XRN1: variants seen among roughly 807,000 people sequenced by gnomAD.
XRN1 encodes the protein strand-exchange protein 1 homolog.
Under a neutral mutation model 222.3 loss-of-function variants are expected in XRN1, and 67 were observed. The ratio of observed to expected loss-of-function variants is 0.30; its 90% confidence interval spans 0.25 to 0.37. The LOEUF (loss-of-function observed/expected upper bound fraction) is 0.37. Ranked by LOEUF, XRN1 falls within the 10% of genes least tolerant of loss-of-function variation. The pLI is 1.00. For missense variants in XRN1, 1,707 were observed against 2,000.2 expected (o/e 0.85, Z 2.80); for synonymous variants, 643 against 652.4 (o/e 0.99, Z 0.22).
rs1465503993 is a variant in XRN1 at position 142,367,139 on chromosome 3, T to C, written c.3205-1773A>G. ...CCTGTCTCTACTAAAAATACAAAAT[T>C]AGCCGAGCATGGTGGTGCCTGCATG... On this transcript the variant is annotated intron_variant, in intron 27 of 40. Coordinates refer to ENST00000392981, the MANE Select transcript of XRN1 (RefSeq NM_001282857.2). Among the ~76,000 whole-genome samples the C allele has an allele frequency of 6.6e-5, 10 of 151,998 alleles. No homozygotes were observed. In the East Asian group the frequency reaches 1.9e-3, roughly 29 times the overall value.
chr3:142,356,439 C>T (rs560056232), intron 31 of XRN1, among the ~76,000 whole-genome samples: 3 of 152,250 alleles, frequency 2.0e-5, no homozygotes, highest in African/African-American at 7.2e-5. Context: ...TAAAGTGTCT[C>T]ACACAAGACA....
chr3:142,390,820 T>A (rs986200085), intron 20 of XRN1, among the ~76,000 whole-genome samples: 1 of 152,202 alleles, frequency 6.6e-6, no homozygotes, highest in African/African-American at 2.4e-5. Context: ...AGCTTTTGAT[T>A]TAAACCTAGA....
rs755519017 is a variant in XRN1 at position 142,380,167 on chromosome 3, C to A, written c.2630G>T (p.Gly877Val). The A allele has an allele frequency of 3.1e-6, 5 of 1,613,566 alleles. No individual in the cohort carries two copies. In the African/African-American group the frequency reaches 5.3e-5, roughly 17 times the overall value. ...AATCCTACCTTCTGTAATCACATCA[C>A]CTGAATCCTGAACCTTAGAAGAAAA... ...YGCTGEVQDS[G>V]DVITEGRIRV... The change falls in exon 23 of 41, where the codon GGT becomes GTT. Residue 877 changes from glycine to valine, a missense_variant. Physicochemically the swap from Gly to Val is moderately radical, Grantham distance 109. This residue lies in a region of XRN1 where 1,234 missense variants were observed against 1,518.2 expected (regional missense o/e 0.81). Coordinates refer to ENST00000392981, the MANE Select transcript of XRN1 (RefSeq NM_001282857.2).
chr3:142,314,504 G>A (rs546882951), intron 39 of XRN1, among the ~76,000 whole-genome samples: 1 of 151,838 alleles, frequency 6.6e-6, no homozygotes, highest in Non-Finnish European at 1.5e-5. Context: ...ATTCATTTTT[G>A]AATGTGAAGC....
intron 29 of XRN1, among the ~76,000 whole-genome samples, chr3:142,360,214 A>G (rs1400203313): frequency 6.6e-6 from 1 of 152,170 alleles, no homozygotes. Context: ...TACTTCTACT[A>G]CATACATATG....
chr3:142,422,339 T>C (rs1451686215), intron 8 of XRN1, among the ~76,000 whole-genome samples: 1 of 151,768 alleles, frequency 6.6e-6, no homozygotes, highest in Non-Finnish European at 1.5e-5. Context: ...AATAAATAAA[T>C]AATAAAAAAA....
At chr3:142,424,220 G>T (rs752544947) in intron 5 of XRN1, among the ~76,000 whole-genome samples, 3 of 152,068 alleles carry the variant, frequency 2.0e-5, no homozygotes, top group Non-Finnish European at 2.9e-5. Flanking sequence ...TCAGCCTCCA[G>T]AGTAGCTGGG....
In XRN1 at chr3:142,364,752, A is replaced by C. The variant is rs1454025541; in HGVS notation, c.3394+295T>G. On this transcript the variant is annotated intron_variant, in intron 29 of 40. Transcript: ENST00000392981. The stretch of plus-strand genomic sequence containing the variant: ...TGAAAATTATCAGTTTCATGAAAAC[A>C]TATGTATGCTCACCAAGATCTTGCA... 2.0e-5 allele frequency among the ~76,000 whole-genome samples: 3 copies of C among 152,202 alleles called. No individual in the cohort carries two copies. The East Asian group carries it at 5.8e-4, about 29-fold the overall frequency.
chr3:142,427,362 G>A (rs1050208722), intron 2 of XRN1, among the ~76,000 whole-genome samples: 69 of 151,662 alleles, frequency 4.5e-4, no homozygotes, highest in Admixed American at 4.2e-3. Context: ...TGAATTTTTC[G>A]GATTAGGAAT....
intron 25 of XRN1, among the ~76,000 whole-genome samples, chr3:142,373,261 A>C (rs1045864398): frequency 3.3e-5 from 5 of 152,082 alleles, no homozygotes; most frequent in African/African-American, 1.2e-4. Flanking sequence ...AGAAATTTTA[A>C]ATGATAAACA....
chr3:142,372,326 T>C (rs1025324353), intron 25 of XRN1, among the ~76,000 whole-genome samples: 6 of 152,070 alleles, frequency 3.9e-5, no homozygotes, highest in Non-Finnish European at 5.9e-5. Context: ...AAGCATAAGG[T>C]CTCTAGAAAT....
rs748866875 is a variant in XRN1 at position 142,412,640 on chromosome 3, T to C, written c.1617A>G (p.Ser539=). 6.2e-7 allele frequency: 1 copy of C among 1,601,084 alleles called. No individual in the cohort carries two copies. Among genetic ancestry groups the C allele is most frequent in the East Asian group, 2.2e-5 (1 of 44,668 alleles). Residue 539 remains serine (S), a synonymous_variant, in exon 15 of 41, where the codon TCA becomes TCG. Coordinates refer to ENST00000392981, the MANE Select transcript of XRN1 (RefSeq NM_001282857.2). ...CYQHLMTNED[S]PIIEYYPPDF... ...CAGGTGGGTAATATTCTATAATTGGTGAGTCTTCATTGGTCATCAAATGCT... is the reference window on the plus strand; with the variant it reads ...CAGGTGGGTAATATTCTATAATTGGCGAGTCTTCATTGGTCATCAAATGCT...
At chr3:142,444,502 G>C (rs960163755) in intron 1 of XRN1, among the ~76,000 whole-genome samples, 1 of 152,106 alleles carries the variant, frequency 6.6e-6, no homozygotes, top group Non-Finnish European at 1.5e-5. Flanking sequence ...CCAGCTACTT[G>C]GGTGGCTAAG....
chr3:142,347,511 C>T (rs1434358013), intron 32 of XRN1, among the ~76,000 whole-genome samples, 169 bp from the exon 33 acceptor site: 1 of 151,988 alleles, frequency 6.6e-6, no homozygotes. Context: ...TATCACCAGA[C>T]TCATTAACAT....
intron 23 of XRN1, among the ~76,000 whole-genome samples, chr3:142,377,580 T>C (rs2067182212): frequency 6.6e-6 from 1 of 152,182 alleles, no homozygotes; most frequent in Non-Finnish European, 1.5e-5. Flanking sequence ...CAGTTTTATT[T>C]AATACATAAC....
intron 37 of XRN1, among the ~76,000 whole-genome samples, chr3:142,325,540 T>C (rs1191788847): frequency 6.6e-6 from 1 of 152,204 alleles, no homozygotes; most frequent in Non-Finnish European, 1.5e-5. Flanking sequence ...TCTCTTATTG[T>C]TTGAGCTCCT....
chr3:142,402,972 C>T (rs143252663), intron 18 of XRN1, among the ~76,000 whole-genome samples: 28 of 152,270 alleles, frequency 1.8e-4, no homozygotes, highest in African/African-American at 5.5e-4. Flanking sequence ...ATGCTACACT[C>T]GCAAGCTTTC....
rs1264370902 is a variant in XRN1 at position 142,384,705 on chromosome 3, T to A, written c.2340-20A>T. 4.5e-6 allele frequency: 7 copies of A among 1,546,890 alleles called. No homozygotes were observed. The Admixed American group carries it at 9.5e-5, about 21-fold the overall frequency. On this transcript the variant is annotated intron_variant, in intron 20 of 40. Transcript: ENST00000392981. The stretch of plus-strand genomic sequence containing the variant: ...AGGTAGCTAAAATAAAGAATAAACA[T>A]GAAATATACATATGAATGAGTATGC...
intron 2 of XRN1, among the ~76,000 whole-genome samples, chr3:142,429,478 T>C (rs1448298230): frequency 6.6e-6 from 1 of 152,008 alleles, no homozygotes; most frequent in Non-Finnish European, 1.5e-5. Context: ...TCAGGAAATT[T>C]TAGTGGCATG....
Sources: gnomAD v4.1 joint callset for allele counts (sites outside exome capture counted in the v4.1 genomes callset) on GRCh38, gnomAD v4.1.1 for gene constraint, gnomAD v4.1.1 regional missense constraint, MANE v1.5 for transcripts, NCBI Gene and HGNC (gene_info 2026-07-23, HGNC 2026-07-21) for gene names.